Variants in MSH5 observed in about 807,000 individuals in gnomAD.
The protein encoded by MSH5 is mutS homolog 5.
MSH5 carries 78 observed loss-of-function variants against 107.7 expected under a neutral mutation model. The observed-to-expected ratio is 0.72, with a 90% CI of 0.60 to 0.87. MSH5 has a LOEUF of 0.87. Among genes scored for constraint, MSH5 ranks in the 40% least tolerant of loss-of-function variants. The probability of loss-of-function intolerance (pLI) is 0.00; values close to 1 mark genes in which losing one functional copy is unlikely to be tolerated. For missense variants in MSH5, 889 were observed against 1,046.6 expected, an observed-to-expected ratio of 0.85 and a Z score of 2.08; for synonymous variants, 326 against 399.5, an observed-to-expected ratio of 0.82 and a Z score of 2.19.
Position 31,740,784 on chromosome 6 carries a change from A to G in MSH5, c.147+171A>G, listed in dbSNP as rs1159585208. Among the ~76,000 whole-genome samples the G allele has an allele frequency of 6.6e-6, 1 of 152,122 alleles. No homozygotes were observed. Among genetic ancestry groups the G allele is most frequent in the African/African-American group, 2.4e-5 (1 of 41,434 alleles). The stretch of plus-strand genomic sequence containing the variant: ...GAGACCAGCCTGGGCAACATGGCGA[A>G]ACCCCGTCTCTACTAAAAATATAAA... On this transcript the variant is annotated intron_variant, in intron 2 of 24. Transcript: ENST00000375750. The surrounding 1 kb of genome is among the most constrained non-coding windows in gnomAD (Gnocchi z 4.4).
At chr6:31,743,066 T>A in intron 4 of MSH5, 42 bp from the exon 5 acceptor site, 1 of 1,611,550 alleles carries the variant, frequency 6.2e-7, no homozygotes, top group East Asian at 2.2e-5. Flanking sequence ...GTAGAAGGAC[T>A]GAGATGTAAA....
At position 31,758,133 on chromosome 6, in the gene MSH5, G is replaced by C; in HGVS notation, c.1015-32G>C. 6.2e-7 allele frequency: 1 copy of C among 1,612,588 alleles called. No homozygotes were observed. The highest frequency in any genetic ancestry group is 1.3e-5 in the African/African-American group (1 of 75,024). On this transcript the variant is annotated intron_variant, in intron 12 of 24. Coordinates refer to ENST00000375750, the MANE Select transcript of MSH5 (RefSeq NM_172166.4). This position sits in a 1 kb window ranked among gnomAD's most constrained non-coding sequence, Gnocchi z 5.1. ...CACCACCTCAACCCGAGCTGGATGT[G>C]GCCTGTCCTCCTTTTTGTGTTTCTC...
intron 8 of MSH5, 123 bp from the exon 9 acceptor site, chr6:31,745,114 A>C (rs1030763494): frequency 5.7e-5 from 35 of 616,362 alleles, no homozygotes; most frequent in Admixed American, 1.5e-4. Context: ...AAAAAAAAAA[A>C]AAAAAAAAAA....
intron 12 of MSH5, chr6:31,756,748 C>A (rs1810474873): frequency 6.6e-6 from 1 of 152,020 alleles, no homozygotes; most frequent in Non-Finnish European, 1.5e-5. Flanking sequence ...TCAAGTGATT[C>A]TCCTGCCTCA....
Position 31,740,428 on chromosome 6 carries a change from A to G in MSH5, c.-13-26A>G, listed in dbSNP as rs1206884831. ...CTCCTCTGTGAATCGTTGCTTCCGA[A>G]CCGCCCTCACTTTTTGCATCCGCAG... On this transcript the variant is annotated intron_variant, in intron 1 of 24. Transcript: ENST00000375750. This position sits in a 1 kb window ranked among gnomAD's most constrained non-coding sequence, Gnocchi z 4.4. 1 of 1,542,844 alleles carries G rather than the reference A, an allele frequency of 6.5e-7. No individual in the cohort carries two copies. Among genetic ancestry groups the G allele is most frequent in the South Asian group, 1.2e-5 (1 of 83,558 alleles).
chr6:31,743,798 C>T lies in MSH5; in HGVS notation c.416-106C>T, dbSNP rs1240326928. The T allele has an allele frequency of 3.3e-6, 5 of 1,499,790 alleles. No homozygotes were observed. The South Asian group carries it at 6.6e-5, about 20-fold the overall frequency. 92.9% of individuals were successfully genotyped at this position (1,499,790 alleles called of 1,614,324 possible). ...GCTTTCCATTAACTGCCTGTGTGAGCTTGGGCAAGTCAAATAATCTCTCTT... is the reference window on the plus strand; with the variant it reads ...GCTTTCCATTAACTGCCTGTGTGAGTTTGGGCAAGTCAAATAATCTCTCTT... On this transcript the variant is annotated intron_variant, in intron 5 of 24. Transcript: ENST00000375750.
Position 31,760,302 on chromosome 6 carries a change from C to A in MSH5, c.1812+86C>A. Reference sequence around the variant, plus strand: ...TGCCAGCCAACTCAGGCTCCTGCAGCTCTTCTCCCATTTTCTGACCCCGCT... The same window carrying A: ...TGCCAGCCAACTCAGGCTCCTGCAGATCTTCTCCCATTTTCTGACCCCGCT... On this transcript the variant is annotated intron_variant, in intron 19 of 24. Transcript: ENST00000375750. This position sits in a 1 kb window ranked among gnomAD's most constrained non-coding sequence, Gnocchi z 5.6. The A allele has an allele frequency of 6.7e-7, 1 of 1,493,500 alleles. No homozygotes were observed. Among genetic ancestry groups the A allele is most frequent in the Non-Finnish European group, 8.9e-7 (1 of 1,120,556 alleles). The allele number at this position is 1,493,500 out of a possible 1,614,324, so 92.5% of individuals were successfully genotyped here.
chr6:31,753,869 GCGCCC>G (rs1810199850), intron 12 of MSH5: 19 of 458,350 alleles, frequency 4.1e-5, no homozygotes, highest in South Asian at 8.0e-5. Flanking sequence ...GGGATTACAA[GCGCCC>G]GCCACCATGC....
chr6:31,754,632 C>A (rs1581544530), intron 12 of MSH5, among the ~76,000 whole-genome samples: 1 of 152,190 alleles, frequency 6.6e-6, no homozygotes, highest in Non-Finnish European at 1.5e-5. Flanking sequence ...CCACCTTAGC[C>A]TCCAGAGTAA....
rs906559667 is a variant in MSH5, at chr6:31,743,159, G to A, written c.404G>A (p.Ser135Asn). ...PKRPEIIFLP[S>N]VDFGLEISKQ... The stretch of plus-strand genomic sequence containing the variant: ...AGACCTGAAATCATATTTTTGCCAA[G>A]TGTGGATTTTGGTATCTCCTTCCTT... The change falls in exon 5 of 25, where the codon AGT (serine) becomes AAT (asparagine). Residue 135 changes from serine to asparagine, a missense_variant. Ser to Asn is a conservative substitution (Grantham distance 46). Around this residue, in one of 3 missense-constraint regions of MSH5, gnomAD observed 518 missense variants for 565.0 expected, o/e 0.92. Coordinates refer to ENST00000375750, the MANE Select transcript of MSH5 (RefSeq NM_172166.4). 6.2e-7 allele frequency: 1 copy of A among 1,612,900 alleles called. No individual in the cohort carries two copies. Among genetic ancestry groups the A allele is most frequent in the Non-Finnish European group, 8.5e-7 (1 of 1,179,914 alleles).
Position 31,760,791 on chromosome 6 carries a change from C to A in MSH5, c.1914C>A (p.Cys638Ter), listed in dbSNP as rs139795131. 1.9e-6 allele frequency: 3 copies of A among 1,612,972 alleles called. No individual in the cohort carries two copies. The East Asian group carries it at 6.7e-5, about 36-fold the overall frequency. ...CCATCTTCACACGAATTCATAGCTG[C>A]GAATCCATCTCCCTTGGCCTCTCCA... Reference protein sequence around the residue: ...VDAIFTRIHSCESISLGLSTF... With the variant: ...VDAIFTRIHS Residue 638 changes from cysteine (C) to a stop codon, truncating the protein, a stop_gained, in exon 20 of 25, where the codon TGC (cysteine) becomes TGA (stop). Transcript: ENST00000375750. LOFTEE classifies it high-confidence loss of function. The surrounding 1 kb of genome is among the most constrained non-coding windows in gnomAD (Gnocchi z 5.6).
At position 31,745,213 on chromosome 6, in the gene MSH5, A is replaced by G. The variant is rs1185365474; in HGVS notation, c.684-24A>G. Reference sequence around the variant, plus strand: ...CCCTTCAAAAGTCCAAGTTACCCCAAACTCCTCCATTTCTCCTCGACAGTG... The same window carrying G: ...CCCTTCAAAAGTCCAAGTTACCCCAGACTCCTCCATTTCTCCTCGACAGTG... On this transcript the variant is annotated intron_variant, in intron 8 of 24. Transcript: ENST00000375750. 2.0e-6 allele frequency: 3 copies of G among 1,527,288 alleles called. No individual in the cohort carries two copies. In the South Asian group the frequency reaches 3.4e-5, roughly 17 times the overall value. The allele number at this position is 1,527,288 out of a possible 1,614,324, so 94.6% of individuals were successfully genotyped here. A position where few individuals can be genotyped will look rare whatever the true frequency, so the allele number is the denominator to read the frequency against.
Position 31,740,429 on chromosome 6 carries a change from C to A in MSH5, c.-13-25C>A, listed in dbSNP as rs1322042363. On this transcript the variant is annotated intron_variant, in intron 1 of 24. Transcript: ENST00000375750. The surrounding 1 kb of genome is among the most constrained non-coding windows in gnomAD (Gnocchi z 4.4). Reference sequence around the variant, plus strand: ...TCCTCTGTGAATCGTTGCTTCCGAACCGCCCTCACTTTTTGCATCCGCAGA... The same window carrying A: ...TCCTCTGTGAATCGTTGCTTCCGAAACGCCCTCACTTTTTGCATCCGCAGA... The A allele has an allele frequency of 2.6e-6, 4 of 1,542,998 alleles. No individual in the cohort carries two copies. The African/African-American group carries it at 4.2e-5, about 16-fold the overall frequency.
chr6:31,744,640 C>T lies in MSH5; in HGVS notation c.683+59C>T. ...GAGGGAGAAGGATTAAGTTTAATGC[C>T]CCAATAATCCTAATGAGGCTCTAGT... On this transcript the variant is annotated intron_variant, in intron 8 of 24. Transcript: ENST00000375750. 3 of 1,558,282 alleles carry T rather than the reference C, an allele frequency of 1.9e-6. No homozygotes were observed. The South Asian group carries it at 3.3e-5, about 17-fold the overall frequency.
rs1810166465 is a variant in MSH5, at chr6:31,753,573, C to G, written c.958C>G (p.Leu320Val). The G allele has an allele frequency of 6.2e-7, 1 of 1,614,124 alleles. No homozygotes were observed. The highest frequency in any genetic ancestry group is 2.2e-5 in the East Asian group (1 of 44,886). The stretch of plus-strand genomic sequence containing the variant: ...TAACCTTGTCTGACTGTAGCTGATT[C>G]TGAAACGCATGAAGTTGTCCCACAC... ...LGHIKNVPLI[L>V]KRMKLSHTKV... Residue 320 changes from leucine to valine, a missense_variant, in exon 12 of 25, where the codon CTG becomes GTG. Physicochemically the swap from Leu to Val is conservative, Grantham distance 32 (BLOSUM62 1). Coordinates refer to ENST00000375750, the MANE Select transcript of MSH5 (RefSeq NM_172166.4).
At chr6:31,762,081 T>G (rs2151381394) in intron 23 of MSH5, 31 bp from the exon 24 acceptor site, 1 of 1,613,650 alleles carries the variant, frequency 6.2e-7, no homozygotes, top group African/African-American at 1.3e-5. Flanking sequence ...CCCACTCCCC[T>G]TACTCCTCCC....
intron 23 of MSH5, 59 bp downstream of exon 23, chr6:31,762,014 C>T (rs1295263193): frequency 1.2e-6 from 2 of 1,612,816 alleles, no homozygotes; most frequent in East Asian, 4.5e-5. Flanking sequence ...ATTCCTAGTC[C>T]TACTGGGCCT....
At chr6:31,744,133 C>G in intron 6 of MSH5, 57 bp from the exon 7 acceptor site, 1 of 1,594,422 alleles carries the variant, frequency 6.3e-7, no homozygotes, top group Non-Finnish European at 8.5e-7. Context: ...CCCTGGTGCT[C>G]TGCAGCCCCC....
intron 10 of MSH5, among the ~76,000 whole-genome samples, chr6:31,750,294 TGTG>T (rs1441000185): frequency 2.0e-5 from 3 of 152,244 alleles, no homozygotes; most frequent in Non-Finnish European, 4.4e-5. Context: ...TAGGGCCAGA[TGTG>T]GTGGCTCACG....
Sources: allele counts gnomAD v4.1 joint callset (sites outside exome capture counted in the v4.1 genomes callset), GRCh38; gene constraint gnomAD v4.1.1; regional missense constraint gnomAD v4.1.1; non-coding constraint Gnocchi (gnomAD v3.1); transcripts MANE v1.5; gene names NCBI Gene and HGNC (gene_info 2026-07-23, HGNC 2026-07-21).